Variants in UBE2J2 observed in about 807,000 individuals in gnomAD.
UBE2J2 encodes the protein ubiquitin conjugating enzyme E2 J2.
A neutral mutation model predicts 28.6 loss-of-function variants in UBE2J2; 5 were observed. The observed-to-expected ratio is 0.17, with a 90% CI of 0.09 to 0.37. UBE2J2 has a LOEUF of 0.37. Ranked by LOEUF, UBE2J2 falls within the 10% of genes least tolerant of loss-of-function variation. The probability of loss-of-function intolerance (pLI) is 1.00; values close to 1 mark genes in which losing one functional copy is unlikely to be tolerated. For synonymous variants in UBE2J2, 138 were observed against 139.7 expected (o/e 0.99, Z 0.09); for missense variants, 226 against 338.9 (o/e 0.67, Z 2.62).
chr1:1,263,964 T>C (rs1639705434), intron 2 of UBE2J2, among the ~76,000 whole-genome samples: 2 of 152,204 alleles, frequency 1.3e-5, no homozygotes, highest in African/African-American at 4.8e-5. Context: ...CACATCCCAT[T>C]TGGGCAACAG....
At chr1:1,264,096 G>T (rs1300818875) in intron 2 of UBE2J2, among the ~76,000 whole-genome samples, 3 of 152,160 alleles carry the variant, frequency 2.0e-5, no homozygotes, top group African/African-American at 7.2e-5. Context: ...AGCTAGTGAT[G>T]CGGGGCCGGC....
intron 3 of UBE2J2, among the ~76,000 whole-genome samples, chr1:1,262,658 G>A (rs1639631709): frequency 6.6e-6 from 1 of 152,220 alleles, no homozygotes; most frequent in African/African-American, 2.4e-5. Flanking sequence ...TCTGCCTTGT[G>A]CTTGCCGGCG....
At position 1,254,059 on chromosome 1, in the gene UBE2J2, C is replaced by T. The variant is rs1224326737; in HGVS notation, c.*1144G>A. 4.6e-5 allele frequency: 7 copies of T among 152,358 alleles called. No homozygotes were observed. In the South Asian group the frequency reaches 8.3e-4, roughly 18 times the overall value. The allele number at this position is 152,358 out of a possible 1,614,324, so 9.4% of individuals were successfully genotyped here. The stretch of plus-strand genomic sequence containing the variant: ...GTGCGGGCTGGGCTTGTCTCACGCC[C>T]GCCTCCGGACAGGGTGGGTTTCTTG... On this transcript the variant is annotated 3_prime_UTR_variant, in exon 7 of 7. Transcript: ENST00000349431.
chr1:1,260,816 T>C (rs567547950), intron 3 of UBE2J2, among the ~76,000 whole-genome samples: 4 of 152,276 alleles, frequency 2.6e-5, no homozygotes, highest in Non-Finnish European at 4.4e-5. Flanking sequence ...TGGTTTTAAC[T>C]GTTCTAGGTC....
chr1:1,271,319 T>C (rs959919633), intron 1 of UBE2J2, among the ~76,000 whole-genome samples: 1 of 152,270 alleles, frequency 6.6e-6, no homozygotes, highest in Non-Finnish European at 1.5e-5. Context: ...CCACACAGGC[T>C]GTCCTTTCGA....
At chr1:1,257,168 C>T (rs569770281) in intron 4 of UBE2J2, 38 bp from the exon 5 acceptor site, 64 of 1,603,420 alleles carry the variant, frequency 4.0e-5, no homozygotes, top group Middle Eastern at 3.3e-4. Flanking sequence ...CACTCCCCAC[C>T]GCAGCCAGAA....
At chr1:1,259,821 C>T (rs546116300) in intron 3 of UBE2J2, among the ~76,000 whole-genome samples, 2 of 152,198 alleles carry the variant, frequency 1.3e-5, no homozygotes, top group South Asian at 4.1e-4. Context: ...TTGTATTAAA[C>T]CCACCAGTTA....
At chr1:1,260,514 C>T (rs1639494147) in intron 3 of UBE2J2, among the ~76,000 whole-genome samples, 1 of 152,218 alleles carries the variant, frequency 6.6e-6, no homozygotes, top group African/African-American at 2.4e-5. Flanking sequence ...AAGCCCCAGA[C>T]GGCTATCCCA....
chr1:1,266,038 C>A, intron 2 of UBE2J2: 2 of 1,301,058 alleles, frequency 1.5e-6, no homozygotes, highest in South Asian at 2.5e-5. Context: ...TTTCCCCACA[C>A]AATGAAGACG....
chr1:1,262,577 C>T lies in UBE2J2; in HGVS notation c.172+769G>A, dbSNP rs113336683. The stretch of plus-strand genomic sequence containing the variant: ...TCCAAAGCCTCCACACACAGGCAAA[C>T]AGAGCCTGCTGCTCCAGCCACCTGA... On this transcript the variant is annotated intron_variant, in intron 3 of 6. Coordinates refer to ENST00000349431, the MANE Select transcript of UBE2J2 (RefSeq NM_058167.3). 3.7e-3 allele frequency among the ~76,000 whole-genome samples: 561 copies of T among 152,374 alleles called. 4 individuals are homozygous for T. Among genetic ancestry groups the T allele is most frequent in the African/African-American group, 0.012 (502 of 41,582 alleles).
At chr1:1,258,863 G>A (rs986222098) in intron 3 of UBE2J2, among the ~76,000 whole-genome samples, 14 of 152,356 alleles carry the variant, frequency 9.2e-5, no homozygotes, top group East Asian at 3.9e-4. Context: ...CCAGCCCGAG[G>A]CCCACACGCT....
intron 5 of UBE2J2, among the ~76,000 whole-genome samples, chr1:1,256,698 G>A (rs375473523): frequency 7.2e-5 from 11 of 151,920 alleles, no homozygotes; most frequent in African/African-American, 1.5e-4. Context: ...TGGTTAACAC[G>A]GTGAAACCCC....
chr1:1,261,170 G>A (rs1288339793), intron 3 of UBE2J2, among the ~76,000 whole-genome samples: 1 of 152,236 alleles, frequency 6.6e-6, no homozygotes, highest in East Asian at 1.9e-4. Context: ...TGGAGACCCT[G>A]AAGGAGAGCA....
rs1448736914 is a variant in UBE2J2 at position 1,268,057 on chromosome 1, G to A, written c.1-65C>T. On this transcript the variant is annotated intron_variant, in intron 1 of 6. Coordinates refer to ENST00000349431, the MANE Select transcript of UBE2J2 (RefSeq NM_058167.3). The surrounding 1 kb of genome is among the most constrained non-coding windows in gnomAD (Gnocchi z 4.7). Reference sequence around the variant, plus strand: ...GCCGGCCACAGCTCTCTCCCCTGGCGCAGCCCCACTCCCGCCTCTGCAGCC... The same window carrying A: ...GCCGGCCACAGCTCTCTCCCCTGGCACAGCCCCACTCCCGCCTCTGCAGCC... The A allele has an allele frequency of 3.3e-5, 52 of 1,585,630 alleles. 1 individual carries two copies. In the African/African-American group the frequency reaches 4.0e-4, roughly 12 times the overall value.
chr1:1,263,527 C>A, intron 2 of UBE2J2, 141 bp from the exon 3 acceptor site: 1 of 755,520 alleles, frequency 1.3e-6, no homozygotes, highest in Non-Finnish European at 2.4e-6. Flanking sequence ...TGAAATGTCA[C>A]ACAGCCACAC....
In UBE2J2 at chr1:1,268,032, G is replaced by A. The variant is rs199774246; in HGVS notation, c.1-40C>T. ...GTCTACACTGACGACGAGAAGCAGC[G>A]CCGGCCACAGCTCTCTCCCCTGGCG... On this transcript the variant is annotated intron_variant, in intron 1 of 6. Transcript: ENST00000349431. The surrounding 1 kb of genome is among the most constrained non-coding windows in gnomAD (Gnocchi z 4.7). The A allele has an allele frequency of 8.8e-5, 141 of 1,606,426 alleles. No individual in the cohort carries two copies. In the Middle Eastern group the frequency reaches 1.6e-3, roughly 18 times the overall value.
chr1:1,256,870 A>G, intron 5 of UBE2J2, 122 bp downstream of exon 5: 1 of 1,009,974 alleles, frequency 9.9e-7, no homozygotes, highest in South Asian at 2.5e-5. Context: ...CTGGAGACAC[A>G]GCGAGACTCC....
At chr1:1,259,881 G>A (rs1410722554) in intron 3 of UBE2J2, among the ~76,000 whole-genome samples, 1 of 152,128 alleles carries the variant, frequency 6.6e-6, no homozygotes, top group Non-Finnish European at 1.5e-5. Flanking sequence ...CCCAATAAAG[G>A]GTCGGCCTGG....
intron 2 of UBE2J2, among the ~76,000 whole-genome samples, chr1:1,264,201 T>C (rs1187748381): frequency 6.6e-6 from 1 of 152,190 alleles, no homozygotes; most frequent in Non-Finnish European, 1.5e-5. Flanking sequence ...GCCGTGATTG[T>C]GTCCAAAGCC....
Sources: gnomAD v4.1 joint callset for allele counts (sites outside exome capture counted in the v4.1 genomes callset) on GRCh38, gnomAD v4.1.1 for gene constraint, Gnocchi (gnomAD v3.1) non-coding constraint, MANE v1.5 for transcripts, NCBI Gene and HGNC (gene_info 2026-07-23, HGNC 2026-07-21) for gene names.